Variants in SERPINB7 observed in about 807,000 individuals in gnomAD.
The protein encoded by SERPINB7 is serpin B7.
SERPINB7 carries 31 observed loss-of-function variants against 37.4 expected under a neutral mutation model. The observed-to-expected ratio is 0.83, with a 90% CI of 0.62 to 1.12. The LOEUF (loss-of-function observed/expected upper bound fraction) is 1.12. Ranked by LOEUF, SERPINB7 falls within the 50% of genes most tolerant of loss-of-function variation. SERPINB7 has a pLI of 0.00. For missense variants in SERPINB7, 521 were observed against 455.3 expected, an observed-to-expected ratio of 1.14 and a Z score of -1.31; for synonymous variants, 163 against 166.1, an observed-to-expected ratio of 0.98 and a Z score of 0.14.
chr18:63,789,701 C>T (rs112403911), intron 2 of SERPINB7, among the ~76,000 whole-genome samples: 2,556 of 152,228 alleles, frequency 0.017, 81 homozygotes, highest in African/African-American at 0.058. Context: ...CCACATTGGC[C>T]AAGAGCTTAT....
At chr18:63,797,625 C>T (rs1216904367) in intron 5 of SERPINB7, among the ~76,000 whole-genome samples, 1 of 152,088 alleles carries the variant, frequency 6.6e-6, no homozygotes, top group Non-Finnish European at 1.5e-5. Flanking sequence ...TAAAATGTTG[C>T]CAATATTCTA....
intron 4 of SERPINB7, 42 bp from the exon 5 acceptor site, chr18:63,796,224 G>T: frequency 9.1e-7 from 1 of 1,098,038 alleles, no homozygotes; most frequent in Non-Finnish European, 1.4e-6. Context: ...ATACTTAGTT[G>T]GTGATGATTT....
rs190560376 is a variant in SERPINB7, at chr18:63,794,505, A to C, written c.336+1228A>C. ...GGAGGTCAAGACCATCCTGGCTAAC[A>C]CGGTGAAACCCTGTCTCTACTAAAA... On this transcript the variant is annotated intron_variant, in intron 4 of 7. Coordinates refer to ENST00000398019, the MANE Select transcript of SERPINB7 (RefSeq NM_003784.4). 1.0e-3 allele frequency among the ~76,000 whole-genome samples: 152 copies of C among 152,116 alleles called. 1 individual carries two copies. The highest frequency in any genetic ancestry group is 1.7e-3 in the Non-Finnish European group (118 of 67,982).
At chr18:63,803,712 A>G (rs1282626257) in intron 7 of SERPINB7, among the ~76,000 whole-genome samples, 1 of 152,198 alleles carries the variant, frequency 6.6e-6, no homozygotes, top group Non-Finnish European at 1.5e-5. Flanking sequence ...CCCAGACAGT[A>G]TGGGTAACTG....
chr18:63,763,584 G>T (rs1276803867), intron 1 of SERPINB7, among the ~76,000 whole-genome samples: 1 of 152,126 alleles, frequency 6.6e-6, no homozygotes, highest in Non-Finnish European at 1.5e-5. Context: ...GCTGCCTAAA[G>T]GATGATACTA....
intron 1 of SERPINB7, among the ~76,000 whole-genome samples, chr18:63,753,840 A>C (rs2049105787): frequency 6.6e-6 from 1 of 152,240 alleles, no homozygotes; most frequent in Non-Finnish European, 1.5e-5. Flanking sequence ...ATTCAGAATC[A>C]GAGGTTCTCC....
At chr18:63,783,168 A>AAAAT (rs1568207445) in intron 2 of SERPINB7, among the ~76,000 whole-genome samples, 4 of 142,864 alleles carry the variant, frequency 2.8e-5, no homozygotes, top group African/African-American at 1.1e-4. Flanking sequence ...AAACAAAAAG[A>AAAAT]AAATAAAGAA....
intron 1 of SERPINB7, among the ~76,000 whole-genome samples, chr18:63,779,584 A>G (rs1022163597): frequency 1.3e-5 from 2 of 152,080 alleles, no homozygotes; most frequent in Non-Finnish European, 2.9e-5. Flanking sequence ...TTATGACTTG[A>G]GAATTCATAA....
chr18:63,801,160 G>C (rs1319601820), intron 7 of SERPINB7, 148 bp downstream of exon 7: 1 of 765,198 alleles, frequency 1.3e-6, no homozygotes, highest in African/African-American at 1.8e-5. Flanking sequence ...ATATTTAAGG[G>C]GTACCTAGTA....
At position 63,804,727 on chromosome 18, in the gene SERPINB7, T is replaced by G; in HGVS notation, c.*92T>G. The G allele has an allele frequency of 7.5e-7, 1 of 1,336,430 alleles. No homozygotes were observed. The highest frequency in any genetic ancestry group is 1.5e-5 in the African/African-American group (1 of 67,684). 82.8% of individuals were successfully genotyped at this position (1,336,430 alleles called of 1,614,324 possible). On this transcript the variant is annotated 3_prime_UTR_variant, in exon 8 of 8. Transcript: ENST00000398019. ...TGAGTTTAATTGGAAAAATGTGGTG[T>G]TTCCTTTGAGTTTATTTCTTCCTAA...
chr18:63,772,487 A>G (rs1568203016), upstream of SERPINB7, among the ~76,000 whole-genome samples: 1 of 152,126 alleles, frequency 6.6e-6, no homozygotes, highest in Non-Finnish European at 1.5e-5. Context: ...GGTAAAGCTT[A>G]ATAAATTTAA....
chr18:63,788,638 T>G (rs2049396781), intron 2 of SERPINB7, among the ~76,000 whole-genome samples: 1 of 152,226 alleles, frequency 6.6e-6, no homozygotes, highest in Non-Finnish European at 1.5e-5. Flanking sequence ...GCCTTCACAC[T>G]CATTAGTCAC....
At position 63,775,581 on chromosome 18, in the gene SERPINB7, C is replaced by A. The variant is rs2049239674; in HGVS notation, c.-154C>A. The A allele has an allele frequency of 6.6e-6, 1 of 152,118 alleles. No individual in the cohort carries two copies. Among genetic ancestry groups the A allele is most frequent in the South Asian group, 2.1e-4 (1 of 4,826 alleles). The allele number at this position is 152,118 out of a possible 1,614,324, so 9.4% of individuals were successfully genotyped here. On this transcript the variant is annotated 5_prime_UTR_variant, in exon 1 of 8. Coordinates refer to ENST00000398019, the MANE Select transcript of SERPINB7 (RefSeq NM_003784.4). Reference sequence around the variant, plus strand: ...TTCGAAGCTCTCCTTCATCACCTTCCTAAGTGCATGGGGGAAAATACCTAG... The same window carrying A: ...TTCGAAGCTCTCCTTCATCACCTTCATAAGTGCATGGGGGAAAATACCTAG...
chr18:63,804,395 T>C lies in SERPINB7; in HGVS notation c.903T>C (p.Asp301=). 6.2e-7 allele frequency: 1 copy of C among 1,613,800 alleles called. No individual in the cohort carries two copies. The highest frequency in any genetic ancestry group is 2.2e-5 in the East Asian group (1 of 44,858). ...CCCTAGGGCTGAAAGATATCTTTGA[T>C]GAATCCAAAGCAGATCTCTCTGGGA... ...LRALGLKDIF[D]ESKADLSGIA... is the part of the protein sequence containing the mutation. The change falls in exon 8 of 8, where the codon GAT becomes GAC. Residue 301 remains aspartate (D), a synonymous_variant. Transcript: ENST00000398019.
At position 63,798,753 on chromosome 18, in the gene SERPINB7, C is replaced by T. The variant is rs374887071; in HGVS notation, c.597+7C>T. 1.6e-4 allele frequency: 254 copies of T among 1,610,902 alleles called. No homozygotes were observed. Among genetic ancestry groups the T allele is most frequent in the Admixed American group, 1.9e-4 (11 of 59,308 alleles). ...CCATTTCAAATCTCCCAAGGTATGT[C>T]GTCAATCTCCTATTTAATTTAGAAC... On this transcript the variant is annotated splice_region_variant and intron_variant, in intron 6 of 7. Coordinates refer to ENST00000398019, the MANE Select transcript of SERPINB7 (RefSeq NM_003784.4).
At chr18:63,782,078 G>T (rs948644720) in intron 1 of SERPINB7, among the ~76,000 whole-genome samples, 4 of 152,004 alleles carry the variant, frequency 2.6e-5, no homozygotes, top group African/African-American at 9.7e-5. Context: ...GAGAAATAGT[G>T]AGCCCCATGA....
chr18:63,791,991 T>A (rs931618433), intron 2 of SERPINB7, among the ~76,000 whole-genome samples: 3 of 152,178 alleles, frequency 2.0e-5, no homozygotes, highest in Non-Finnish European at 4.4e-5. Context: ...AACTGTAGAG[T>A]TCCGCTGCTG....
At chr18:63,802,657 GTATT>G in intron 7 of SERPINB7, among the ~76,000 whole-genome samples, 1 of 152,112 alleles carries the variant, frequency 6.6e-6, no homozygotes, top group East Asian at 1.9e-4. Flanking sequence ...ACACTTAAAA[GTATT>G]TGTTTTGTTT....
intron 1 of SERPINB7, among the ~76,000 whole-genome samples, chr18:63,757,009 A>G (rs1046027231): frequency 1.3e-5 from 2 of 152,164 alleles, no homozygotes; most frequent in East Asian, 1.9e-4. Flanking sequence ...TTAGTAGTAC[A>G]TGAATGTCTT....
Sources: gnomAD v4.1 joint callset for allele counts (sites outside exome capture counted in the v4.1 genomes callset) on GRCh38, gnomAD v4.1.1 for gene constraint, MANE v1.5 for transcripts, NCBI Gene and HGNC (gene_info 2026-07-23, HGNC 2026-07-21) for gene names.